DOCK4: variants seen among roughly 807,000 people sequenced by gnomAD.
The protein encoded by DOCK4 is dedicator of cytokinesis protein 4.
DOCK4 carries 97 observed loss-of-function variants against 268.1 expected under a neutral mutation model. The observed-to-expected ratio is 0.36, with a 90% confidence interval of 0.31 to 0.43. The LOEUF (loss-of-function observed/expected upper bound fraction) is 0.43, where lower values mean the gene tolerates loss of function less well. Ranked by LOEUF, DOCK4 falls within the 20% of genes least tolerant of loss-of-function variation. DOCK4 has a pLI of 1.00. For missense variants in DOCK4, 2,145 were observed against 2,455.7 expected (o/e 0.87, Z 2.67); for synonymous variants, 954 against 887.2 (o/e 1.08, Z -1.34).
chr7:111,997,594 G>T (rs1800074256), intron 4 of DOCK4, among the ~76,000 whole-genome samples: 1 of 152,168 alleles, frequency 6.6e-6, no homozygotes, highest in Non-Finnish European at 1.5e-5. Flanking sequence ...TAAGACTCAA[G>T]TTGGAAAATG....
intron 1 of DOCK4, among the ~76,000 whole-genome samples, chr7:112,050,553 G>A (rs554212640): frequency 1.3e-5 from 2 of 152,152 alleles, no homozygotes; most frequent in East Asian, 3.9e-4. Flanking sequence ...AAAGATTAAA[G>A]GTAGTCATTG....
chr7:112,092,569 G>C (rs1292110753), intron 1 of DOCK4, among the ~76,000 whole-genome samples: 1 of 152,078 alleles, frequency 6.6e-6, no homozygotes, highest in African/African-American at 2.4e-5. Flanking sequence ...CCTCACATGA[G>C]AACTCTGGGC....
At chr7:111,952,285 A>G (rs1039848274) in intron 8 of DOCK4, among the ~76,000 whole-genome samples, 4 of 152,154 alleles carry the variant, frequency 2.6e-5, no homozygotes, top group Admixed American at 2.6e-4. Context: ...TTCACAGCAT[A>G]GTGTGGTAGA....
intron 30 of DOCK4, among the ~76,000 whole-genome samples, chr7:111,804,323 T>C (rs539992118): frequency 8.1e-4 from 123 of 152,288 alleles, no homozygotes; most frequent in African/African-American, 2.6e-3. Flanking sequence ...TTAAGCAAAA[T>C]AAGCCAGTTA....
chr7:111,790,284 C>T (rs1205635701), intron 31 of DOCK4, among the ~76,000 whole-genome samples, 173 bp downstream of exon 31: 1 of 152,198 alleles, frequency 6.6e-6, no homozygotes. Context: ...CAGGACAACA[C>T]AGGATCTGAG....
intron 1 of DOCK4, among the ~76,000 whole-genome samples, chr7:112,036,722 A>G (rs1425361824): frequency 1.4e-5 from 2 of 141,888 alleles, no homozygotes; most frequent in East Asian, 4.1e-4. Flanking sequence ...GTGCAGTGGC[A>G]TGATCTCTAC....
chr7:112,007,993 A>G (rs1309931233), intron 1 of DOCK4, among the ~76,000 whole-genome samples: 1 of 152,202 alleles, frequency 6.6e-6, no homozygotes, highest in Non-Finnish European at 1.5e-5. Context: ...TTTTCCCCCA[A>G]ATAATATCAC....
intron 1 of DOCK4, among the ~76,000 whole-genome samples, chr7:112,140,620 A>C (rs1198758676): frequency 1.3e-5 from 2 of 151,898 alleles, no homozygotes; most frequent in African/African-American, 4.8e-5. Context: ...AAAAAAAGTT[A>C]AAAAAATACA....
chr7:112,096,583 C>A (rs1245615564), intron 1 of DOCK4, among the ~76,000 whole-genome samples: 3 of 152,168 alleles, frequency 2.0e-5, no homozygotes, highest in Non-Finnish European at 4.4e-5. Context: ...TCACTTATTT[C>A]TTTGTCACAA....
intron 5 of DOCK4, among the ~76,000 whole-genome samples, chr7:111,990,153 T>C (rs1283807293): frequency 6.6e-6 from 1 of 152,192 alleles, no homozygotes; most frequent in Non-Finnish European, 1.5e-5. Context: ...CTGAGAATGA[T>C]GCCTGGCCCA....
At chr7:111,938,973 CAAA>C (rs557205821) in intron 11 of DOCK4, among the ~76,000 whole-genome samples, 1 of 53,684 alleles carries the variant, frequency 1.9e-5, no homozygotes, top group Non-Finnish European at 4.0e-5. Flanking sequence ...GACTCTGTCT[CAAA>C]AAAAAAAAAA....
intron 36 of DOCK4, among the ~76,000 whole-genome samples, chr7:111,777,177 A>G (rs1429088902): frequency 1.3e-5 from 2 of 152,236 alleles, no homozygotes; most frequent in Non-Finnish European, 2.9e-5. Context: ...GAAGGTCAGA[A>G]CACAGTGGAA....
intron 52 of DOCK4, among the ~76,000 whole-genome samples, chr7:111,729,208 G>A (rs1238342854): frequency 5.3e-5 from 8 of 152,164 alleles, no homozygotes. Flanking sequence ...TTATCTGCGA[G>A]GGCCACCAGT....
At chr7:111,946,319 C>T (rs1045757375) in intron 8 of DOCK4, among the ~76,000 whole-genome samples, 3 of 152,096 alleles carry the variant, frequency 2.0e-5, no homozygotes, top group East Asian at 1.9e-4. Context: ...GGTCAACAAA[C>T]GAACAGAAGA....
At chr7:111,816,484 T>C (rs1478425401) in intron 27 of DOCK4, among the ~76,000 whole-genome samples, 1 of 152,216 alleles carries the variant, frequency 6.6e-6, no homozygotes, top group African/African-American at 2.4e-5. Context: ...ACCCAAAGGA[T>C]GCTTAAGACT....
chr7:112,109,870 A>G (rs921402493), intron 1 of DOCK4, among the ~76,000 whole-genome samples: 3 of 149,354 alleles, frequency 2.0e-5, no homozygotes, highest in South Asian at 2.1e-4. Flanking sequence ...TCAGCCTCCC[A>G]AGTAGCTGGG....
chr7:111,775,653 C>T (rs1334259014), intron 36 of DOCK4, among the ~76,000 whole-genome samples: 4 of 152,150 alleles, frequency 2.6e-5, no homozygotes, highest in Non-Finnish European at 4.4e-5. Context: ...TCCCTTTAGT[C>T]GGAGTACTGG....
chr7:112,017,325 TA>T (rs1454569903), intron 1 of DOCK4, among the ~76,000 whole-genome samples: 1 of 152,256 alleles, frequency 6.6e-6, no homozygotes, highest in East Asian at 1.9e-4. Flanking sequence ...TTGGAAATGT[TA>T]TAAAGTTGGC....
chr7:111,907,433 T>A (rs1022861403), intron 13 of DOCK4, among the ~76,000 whole-genome samples: 1 of 151,664 alleles, frequency 6.6e-6, no homozygotes, highest in African/African-American at 2.4e-5. Context: ...CATGGAGATC[T>A]GGCAGCCCGT....
Sources: gnomAD v4.1 joint callset for allele counts (sites outside exome capture counted in the v4.1 genomes callset) on GRCh38, gnomAD v4.1.1 for gene constraint, MANE v1.5 for transcripts, NCBI Gene and HGNC (gene_info 2026-07-23, HGNC 2026-07-21) for gene names.